NLRP11: variants seen among roughly 807,000 people sequenced by gnomAD.
NLRP11 encodes NLR family pyrin domain containing 11, also known as NACHT, LRR and PYD domains-containing protein 11.
In NLRP11, 53 loss-of-function variants were observed where a neutral mutation model predicts 79.3. That is an observed-to-expected ratio of 0.67 (90% CI 0.54 to 0.84). The LOEUF (loss-of-function observed/expected upper bound fraction) is 0.84, where lower values mean the gene tolerates loss of function less well. Among genes scored for constraint, NLRP11 ranks in the 40% least tolerant of loss-of-function variants. The probability of loss-of-function intolerance (pLI) is 0.00; values close to 1 mark genes in which losing one functional copy is unlikely to be tolerated. For missense variants in NLRP11, 1,264 were observed against 1,255.0 expected (o/e 1.01, Z -0.11); for synonymous variants, 518 against 462.6 (o/e 1.12, Z -1.54).
At chr19:55,815,319 A>T (rs944246575) in intron 2 of NLRP11, among the ~76,000 whole-genome samples, 2 of 152,108 alleles carry the variant, frequency 1.3e-5, no homozygotes, top group African/African-American at 4.8e-5. Flanking sequence ...ACCTGAGGTC[A>T]GGAGTTCAAG....
Position 55,792,491 on chromosome 19 carries a change from A to G in NLRP11, c.2343-20T>C. The G allele has an allele frequency of 1.2e-6, 2 of 1,610,048 alleles. No homozygotes were observed. The stretch of plus-strand genomic sequence containing the variant: ...ACTAACCTGCACACAGAGAAGAGTG[A>G]GTCAGTGACAGTGTGAGCACCAGAG... On this transcript the variant is annotated intron_variant, in intron 6 of 9. Transcript: ENST00000589093.
At chr19:55,795,353 T>G (rs994129282) in intron 6 of NLRP11, among the ~76,000 whole-genome samples, 4 of 151,782 alleles carry the variant, frequency 2.6e-5, no homozygotes, top group African/African-American at 4.8e-5. Context: ...CTTTCGTCTT[T>G]GTGTTCTCAG....
chr19:55,823,068 G>A (rs1390949718), intron 1 of NLRP11, among the ~76,000 whole-genome samples: 5 of 148,520 alleles, frequency 3.4e-5, no homozygotes, highest in East Asian at 4.0e-4. Context: ...GGAGATCTGA[G>A]AACCAGCAGA....
intron 2 of NLRP11, among the ~76,000 whole-genome samples, chr19:55,811,894 A>T (rs1980636467): frequency 6.6e-6 from 1 of 152,088 alleles, no homozygotes; most frequent in African/African-American, 2.4e-5. Context: ...CATAGTTTAC[A>T]AATATATTCT....
chr19:55,815,528 C>CAAAAAAAAAAAAAAAAAA (rs11343133), intron 2 of NLRP11, among the ~76,000 whole-genome samples: 1 of 92,826 alleles, frequency 1.1e-5, no homozygotes, highest in Non-Finnish European at 2.4e-5. Flanking sequence ...GACTCCATCT[C>CAAAAAAAAAAAAAAAAAA]AAAAAAAAAA....
At chr19:55,833,948 T>C (rs1296302851), upstream of NLRP11, among the ~76,000 whole-genome samples, 1 of 143,152 alleles carries the variant, frequency 7.0e-6, no homozygotes, top group African/African-American at 2.6e-5. Flanking sequence ...TGTATTTAAA[T>C]GAAAAAAAAA....
chr19:55,808,474 G>A (rs1301170249), intron 3 of NLRP11, among the ~76,000 whole-genome samples: 1 of 144,440 alleles, frequency 6.9e-6, no homozygotes, highest in Non-Finnish European at 1.6e-5. Context: ...ACGGGGAAAA[G>A]GGGACCCTAC....
chr19:55,789,464 GTTAAGCATTC>G (rs1245456692), intron 7 of NLRP11, 65 bp from the exon 8 acceptor site: 19 of 1,457,186 alleles, frequency 1.3e-5, no homozygotes, highest in Non-Finnish European at 9.4e-7. Flanking sequence ...TTCACAGAGT[GTTAAGCATTC>G]TTGGACCCGT....
At position 55,789,281 on chromosome 19, in the gene NLRP11, G is replaced by A; in HGVS notation, c.2632C>T (p.Gln878Ter). Residue 878 changes from glutamine to a stop codon, truncating the protein, a stop_gained, in exon 8 of 10, where the codon CAG becomes TAG. Transcript: ENST00000589093. LOFTEE classifies it high-confidence loss of function. ...TGTCTCAAACCACCACATAGCAGCT[G>A]CATTCCTGCATCTTCTATTTTGTTG... is the stretch of plus-strand genomic sequence containing the variant. 1 of 1,614,122 alleles carries A rather than the reference G, an allele frequency of 6.2e-7. No individual in the cohort carries two copies. The highest frequency in any genetic ancestry group is 8.5e-7 in the Non-Finnish European group (1 of 1,180,004).
chr19:55,793,947 T>C (rs1043388678), intron 6 of NLRP11, among the ~76,000 whole-genome samples: 2 of 152,208 alleles, frequency 1.3e-5, no homozygotes, highest in African/African-American at 4.8e-5. Flanking sequence ...AGCTGTCAGA[T>C]TTGGTCACGA....
At chr19:55,822,597 C>T (rs1423037764) in intron 1 of NLRP11, among the ~76,000 whole-genome samples, 6 of 152,108 alleles carry the variant, frequency 3.9e-5, no homozygotes, top group Admixed American at 6.5e-5. Flanking sequence ...ATTGCCTCAC[C>T]TGGGAAGCGC....
intron 7 of NLRP11, among the ~76,000 whole-genome samples, chr19:55,790,635 AT>A (rs1456695521): frequency 6.6e-6 from 1 of 152,196 alleles, no homozygotes; most frequent in Non-Finnish European, 1.5e-5. Flanking sequence ...CTGAATAATC[AT>A]ATTAAAGCAG....
intron 5 of NLRP11, among the ~76,000 whole-genome samples, chr19:55,796,613 A>C (rs996256313): frequency 1.1e-4 from 17 of 152,178 alleles, no homozygotes; most frequent in African/African-American, 3.6e-4. Flanking sequence ...ACTTACCATC[A>C]CATTTACAAG....
rs576947816 is a variant in NLRP11 at position 55,815,342 on chromosome 19, A to G, written c.271+2562T>C. Among the ~76,000 whole-genome samples the G allele has an allele frequency of 1.5e-4, 23 of 152,182 alleles. No homozygotes were observed. In the South Asian group the frequency reaches 4.4e-3, roughly 29 times the overall value. On this transcript the variant is annotated intron_variant, in intron 2 of 9. Coordinates refer to ENST00000589093, the Ensembl canonical transcript of NLRP11. Reference sequence around the variant, plus strand: ...TCAGGAGTTCAAGACCAGCCTGGCCAACATAGTGAAACCCCATCTCTACTA... The same window carrying G: ...TCAGGAGTTCAAGACCAGCCTGGCCGACATAGTGAAACCCCATCTCTACTA...
intron 6 of NLRP11, 34 bp downstream of exon 6, chr19:55,796,046 C>G (rs1193524403): frequency 6.3e-7 from 1 of 1,579,892 alleles, no homozygotes; most frequent in South Asian, 1.1e-5. Flanking sequence ...TCAGTCTGAG[C>G]TTCTACGTGG....
intron 7 of NLRP11, among the ~76,000 whole-genome samples, chr19:55,791,427 T>C (rs1990227582): frequency 6.6e-6 from 1 of 152,224 alleles, no homozygotes; most frequent in African/African-American, 2.4e-5. Flanking sequence ...AATGGTAACA[T>C]GGATTTAACT....
In NLRP11 at chr19:55,789,221, G is replaced by C. The variant is rs1270470236; in HGVS notation, c.2684+8C>G. ...AAAGGCAGGGATCTTTCTCCACCAG[G>C]CACCTACCCAATATTCACCAACATG... On this transcript the variant is annotated splice_region_variant and intron_variant, in intron 8 of 9. Coordinates refer to ENST00000589093, the Ensembl canonical transcript of NLRP11. 3.1e-6 allele frequency: 5 copies of C among 1,602,652 alleles called. No homozygotes were observed. Among genetic ancestry groups the C allele is most frequent in the Non-Finnish European group, 4.3e-6 (5 of 1,175,542 alleles).
chr19:55,816,254 G>A (rs757265193), intron 2 of NLRP11, among the ~76,000 whole-genome samples: 26 of 152,160 alleles, frequency 1.7e-4, no homozygotes, highest in Non-Finnish European at 1.3e-4. Context: ...AGACAAAACA[G>A]ATTCCATGAC....
intron 1 of NLRP11, among the ~76,000 whole-genome samples, chr19:55,829,200 ATT>A (rs59415251): frequency 0.2 from 29,286 of 147,834 alleles, 3,011 homozygotes; most frequent in East Asian, 0.26. Context: ...ACAATATTGC[ATT>A]TTTTTTTTTT....
Sources: allele counts gnomAD v4.1 joint callset (sites outside exome capture counted in the v4.1 genomes callset), GRCh38; gene constraint gnomAD v4.1.1; transcripts MANE v1.5; gene names NCBI Gene and HGNC (gene_info 2026-07-23, HGNC 2026-07-21).